Variants in ARHGAP32 observed in about 807,000 individuals in gnomAD.
The protein encoded by ARHGAP32 is rho GTPase-activating protein 32.
In ARHGAP32, 51 loss-of-function variants were observed where a neutral mutation model predicts 186.5. That is an observed-to-expected ratio of 0.27 (90% CI 0.22 to 0.35). The LOEUF is 0.35. Ranked by LOEUF, ARHGAP32 falls within the 10% of genes least tolerant of loss-of-function variation. The pLI, the probability that ARHGAP32 is intolerant of heterozygous loss-of-function variation, is 1.00. For missense variants in ARHGAP32, 2,186 were observed against 2,623.5 expected (o/e 0.83, Z 3.64); for synonymous variants, 950 against 964.3 (o/e 0.99, Z 0.27).
chr11:129,178,741 T>C (rs1414054825), intron 1 of ARHGAP32, among the ~76,000 whole-genome samples: 1 of 152,056 alleles, frequency 6.6e-6, no homozygotes, highest in East Asian at 1.9e-4. Context: ...GCTAGCCATA[T>C]GTAGAAAGCT....
chr11:129,186,308 T>TC (rs1166046433), intron 1 of ARHGAP32, among the ~76,000 whole-genome samples: 1 of 152,166 alleles, frequency 6.6e-6, no homozygotes, highest in African/African-American at 2.4e-5. Context: ...CACCTTGGAC[T>TC]CCATCCCAAA....
chr11:129,141,699 T>C (rs1344118819), intron 2 of ARHGAP32, among the ~76,000 whole-genome samples: 2 of 149,250 alleles, frequency 1.3e-5, no homozygotes, highest in East Asian at 1.9e-4. Flanking sequence ...AAATAAAATA[T>C]ATAAAATCAA....
chr11:129,021,320 C>T (rs1179311760), intron 11 of ARHGAP32, among the ~76,000 whole-genome samples: 1 of 152,022 alleles, frequency 6.6e-6, no homozygotes, highest in African/African-American at 2.4e-5. Flanking sequence ...GGGCCACAAA[C>T]TGCTTCTTCA....
At chr11:129,252,825 C>T (rs773779038) in intron 1 of ARHGAP32, among the ~76,000 whole-genome samples, 11 of 152,168 alleles carry the variant, frequency 7.2e-5, no homozygotes, top group East Asian at 1.9e-4. Context: ...TTTGTAAACG[C>T]TAATCCCTCT....
intron 2 of ARHGAP32, among the ~76,000 whole-genome samples, chr11:129,140,077 T>C (rs1198225399): frequency 2.0e-5 from 3 of 152,174 alleles, no homozygotes; most frequent in Non-Finnish European, 4.4e-5. Context: ...ACTTCAAAAG[T>C]AGAGTTTTCT....
chr11:129,028,176 G>A (rs937920790), intron 11 of ARHGAP32, among the ~76,000 whole-genome samples: 2 of 152,138 alleles, frequency 1.3e-5, no homozygotes, highest in African/African-American at 4.8e-5. Flanking sequence ...CGCAGGTGGG[G>A]AAAAAAGACA....
Position 128,966,825 on chromosome 11 carries a change from C to CAAGGGGCAAT in ARHGAP32, c.*2072_*2081dup, listed in dbSNP as rs1447925476. 2.6e-5 allele frequency: 4 copies of CAAGGGGCAAT among 152,110 alleles called. No homozygotes were observed. The highest frequency in any genetic ancestry group is 5.9e-5 in the Non-Finnish European group (4 of 68,042). The allele number at this position is 152,110 out of a possible 1,614,324, so 9.4% of individuals were successfully genotyped here. Reference sequence around the variant, plus strand: ...GAACTTACAGGGCTGGTGTGGTCTCCAAGGGGCAATGGGTTGCCTACTTGA... The same window carrying CAAGGGGCAAT: ...GAACTTACAGGGCTGGTGTGGTCTCCAAGGGGCAATAAGGGGCAATGGGTTGCCTACTTGA... On this transcript the variant is annotated 3_prime_UTR_variant, in exon 23 of 23. Transcript: ENST00000682385.
intron 1 of ARHGAP32, among the ~76,000 whole-genome samples, chr11:129,262,972 G>A (rs1047033412): frequency 6.6e-6 from 1 of 152,116 alleles, no homozygotes; most frequent in Non-Finnish European, 1.5e-5. Flanking sequence ...ATTTTCTACA[G>A]GAGTGTGAAG....
chr11:129,170,246 C>T (rs12271127), intron 1 of ARHGAP32, among the ~76,000 whole-genome samples: 2,924 of 150,174 alleles, frequency 0.019, 50 homozygotes, highest in African/African-American at 0.041. Context: ...ATGCAGAATG[C>T]GCAGGTTTGT....
At chr11:129,036,610 T>A (rs1300941734) in intron 11 of ARHGAP32, among the ~76,000 whole-genome samples, 1 of 152,106 alleles carries the variant, frequency 6.6e-6, no homozygotes, top group Admixed American at 6.5e-5. Context: ...TTTTAGTAAC[T>A]TCAAAATAAT....
At chr11:129,122,510 C>T (rs1437782669) in intron 5 of ARHGAP32, among the ~76,000 whole-genome samples, 1 of 152,046 alleles carries the variant, frequency 6.6e-6, no homozygotes, top group Non-Finnish European at 1.5e-5. Flanking sequence ...ATGTTAACTG[C>T]AATCTCAAGG....
chr11:129,129,604 T>C (rs1354016426), intron 2 of ARHGAP32, among the ~76,000 whole-genome samples: 1 of 152,112 alleles, frequency 6.6e-6, no homozygotes, highest in Non-Finnish European at 1.5e-5. Flanking sequence ...GGGGGAAATA[T>C]GGGGAAAAGA....
At chr11:129,013,702 T>C (rs1938200196) in intron 11 of ARHGAP32, among the ~76,000 whole-genome samples, 1 of 152,236 alleles carries the variant, frequency 6.6e-6, no homozygotes, top group Non-Finnish European at 1.5e-5. Context: ...ATAAATCTCT[T>C]AAATTAGTTT....
At chr11:128,988,995 A>G (rs961993058) in intron 12 of ARHGAP32, among the ~76,000 whole-genome samples, 2 of 152,228 alleles carry the variant, frequency 1.3e-5, no homozygotes, top group African/African-American at 4.8e-5. Flanking sequence ...CCTTGAAAAG[A>G]AATGCTTGGA....
At chr11:129,130,863 C>G (rs1323776475) in intron 2 of ARHGAP32, among the ~76,000 whole-genome samples, 1 of 152,108 alleles carries the variant, frequency 6.6e-6, no homozygotes, top group Non-Finnish European at 1.5e-5. Context: ...AATTATTTCA[C>G]ATGTACAACA....
intron 10 of ARHGAP32, among the ~76,000 whole-genome samples, chr11:129,043,381 C>CTTTTTT (rs1213682729): frequency 8.7e-5 from 9 of 103,344 alleles, no homozygotes; most frequent in African/African-American, 1.9e-4. Context: ...TTCTTTTTTT[C>CTTTTTT]TTTTTTTTTT....
intron 1 of ARHGAP32, among the ~76,000 whole-genome samples, chr11:129,237,643 G>C (rs889095136): frequency 2.0e-5 from 3 of 152,046 alleles, no homozygotes; most frequent in African/African-American, 7.2e-5. Flanking sequence ...CAAAGGCCTC[G>C]GGGTAAGAGC....
At chr11:129,052,518 A>G (rs1280943646) in intron 10 of ARHGAP32, among the ~76,000 whole-genome samples, 1 of 152,204 alleles carries the variant, frequency 6.6e-6, no homozygotes, top group Non-Finnish European at 1.5e-5. Context: ...TCCAACCCAT[A>G]AAAACAGTAT....
chr11:129,028,123 G>A (rs77186844), intron 11 of ARHGAP32, among the ~76,000 whole-genome samples: 5 of 152,124 alleles, frequency 3.3e-5, no homozygotes, highest in East Asian at 1.9e-4. Flanking sequence ...TATAAAAGAC[G>A]CAAATTACTA....
Sources: gnomAD v4.1 joint callset for allele counts (sites outside exome capture counted in the v4.1 genomes callset) on GRCh38, gnomAD v4.1.1 for gene constraint, MANE v1.5 for transcripts, NCBI Gene and HGNC (gene_info 2026-07-23, HGNC 2026-07-21) for gene names.